PROX2: variants seen among roughly 807,000 people sequenced by gnomAD.
The protein encoded by PROX2 is prospero homeobox protein 2.
In PROX2, 46 loss-of-function variants were observed where a neutral mutation model predicts 48.9. The observed-to-expected ratio is 0.94, with a 90% CI of 0.74 to 1.20. PROX2 has a LOEUF of 1.20. Ranked by LOEUF, PROX2 falls within the 50% of genes most tolerant of loss-of-function variation. The probability of loss-of-function intolerance (pLI) is 0.00; values close to 1 mark genes in which losing one functional copy is unlikely to be tolerated. For missense variants in PROX2, 663 were observed against 719.4 expected, an observed-to-expected ratio of 0.92 and a Z score of 0.90; for synonymous variants, 260 against 276.6, an observed-to-expected ratio of 0.94 and a Z score of 0.60.
intron 1 of PROX2, chr14:74,873,903 G>T: frequency 2.2e-6 from 1 of 460,520 alleles, no homozygotes; most frequent in Non-Finnish European, 4.4e-6. Flanking sequence ...AGTGTGAGGA[G>T]CAGGGTTCTG....
Position 74,855,322 on chromosome 14 carries a change from C to T in PROX2, c.1609-20G>A, listed in dbSNP as rs2091735186. On this transcript the variant is annotated intron_variant, in intron 5 of 5. Coordinates refer to ENST00000556489, the MANE Select transcript of PROX2 (RefSeq NM_001243007.2). ...TGGAACCTGCATTTCCAAAGAGACC[C>T]ACAAGAAAGAAAAGACGTGAGGTTG... is the stretch of plus-strand genomic sequence containing the variant. 3 of 1,519,820 alleles carry T rather than the reference C, an allele frequency of 2.0e-6. No homozygotes were observed. Among genetic ancestry groups the T allele is most frequent in the South Asian group, 1.3e-5 (1 of 75,740 alleles). The allele number at this position is 1,519,820 out of a possible 1,614,324, so 94.1% of individuals were successfully genotyped here.
intron 5 of PROX2, chr14:74,856,100 A>G (rs562425278): frequency 6.6e-6 from 1 of 152,368 alleles, no homozygotes; most frequent in East Asian, 1.9e-4. Context: ...AGTCAAGAAG[A>G]GGGAAGTGTA....
At chr14:74,864,419 G>T (rs2091826504) in intron 2 of PROX2, among the ~76,000 whole-genome samples, 1 of 152,212 alleles carries the variant, frequency 6.6e-6, no homozygotes, top group South Asian at 2.1e-4. Context: ...AACAAGATCA[G>T]AGAAGAAGCT....
At chr14:74,864,580 G>A (rs542580809) in intron 2 of PROX2, among the ~76,000 whole-genome samples, 1 of 152,240 alleles carries the variant, frequency 6.6e-6, no homozygotes, top group Non-Finnish European at 1.5e-5. Context: ...GGTGGCTCAC[G>A]CCTGTAATCC....
At chr14:74,856,526 A>G (rs1488873111) in intron 5 of PROX2, 2 of 379,686 alleles carry the variant, frequency 5.3e-6, no homozygotes, top group Non-Finnish European at 9.5e-6. Context: ...TAACTTGATA[A>G]TGACAGGGTA....
At chr14:74,874,732 AT>A (rs1418636648) in intron 1 of PROX2, among the ~76,000 whole-genome samples, 1 of 152,238 alleles carries the variant, frequency 6.6e-6, no homozygotes, top group Non-Finnish European at 1.5e-5. Context: ...AGTTACTGAC[AT>A]TTTATTTTGC....
In PROX2 at chr14:74,855,095, T is replaced by C. The variant is rs775020807; in HGVS notation, c.*37A>G. ...GACAAACCCAGGAAACCCTAGCCAG[T>C]CACTCCTCACGTTGTGGGATCTTAA... On this transcript the variant is annotated 3_prime_UTR_variant, in exon 6 of 6. Coordinates refer to ENST00000556489, the MANE Select transcript of PROX2 (RefSeq NM_001243007.2). The C allele has an allele frequency of 7.1e-7, 1 of 1,401,858 alleles. No homozygotes were observed. The highest frequency in any genetic ancestry group is 1.9e-5 in the South Asian group (1 of 52,440). The allele number at this position is 1,401,858 out of a possible 1,614,324, so 86.8% of individuals were successfully genotyped here.
At position 74,868,336 on chromosome 14, in the gene PROX2, TATA is replaced by T. The variant is rs1566782528; in HGVS notation, c.-175+2764_-175+2766del. On this transcript the variant is annotated intron_variant, in intron 2 of 5. Coordinates refer to ENST00000556489, the MANE Select transcript of PROX2 (RefSeq NM_001243007.2). ...AATTATATATATATATATATATATA[TATA>T]TATATATATATATATATATATAAAC... 1.6e-3 allele frequency among the ~76,000 whole-genome samples: 208 copies of T among 130,498 alleles called. 3 individuals are homozygous for T. Among genetic ancestry groups the T allele is most frequent in the South Asian group, 0.011 (46 of 4,202 alleles). 85.6% of individuals were successfully genotyped at this position (130,498 alleles called of 152,430 possible).
intron 5 of PROX2, 131 bp downstream of exon 5, chr14:74,856,670 A>G: frequency 1.4e-6 from 1 of 707,898 alleles, no homozygotes; most frequent in South Asian, 1.9e-5. Context: ...TGTGGATGAT[A>G]CAGAGATTGG....
chr14:74,873,847 T>C, intron 1 of PROX2: 1 of 444,726 alleles, frequency 2.2e-6, no homozygotes, highest in Non-Finnish European at 4.4e-6. Context: ...AGTGAAGTTT[T>C]TGCAGATCTA....
At position 74,858,679 on chromosome 14, in the gene PROX2, G is replaced by A. The variant is rs2091766911; in HGVS notation, c.1306-165C>T. On this transcript the variant is annotated intron_variant, in intron 3 of 5. Transcript: ENST00000556489. ...TCTGGAAACTCTGGTCAAATAAGCT[G>A]GATGACATATGTGCACAGTTAAGTC... 1.7e-5 allele frequency: 10 copies of A among 577,158 alleles called. No individual in the cohort carries two copies. In the South Asian group the frequency reaches 2.0e-4, roughly 11 times the overall value. 35.8% of individuals were successfully genotyped at this position (577,158 alleles called of 1,614,324 possible).
chr14:74,866,441 C>A (rs1386457189), intron 2 of PROX2, among the ~76,000 whole-genome samples: 1 of 152,024 alleles, frequency 6.6e-6, no homozygotes, highest in Non-Finnish European at 1.5e-5. Context: ...GACACAGGGA[C>A]ATGAAGAGGC....
At chr14:74,874,013 C>A in intron 1 of PROX2, 1 of 516,718 alleles carries the variant, frequency 1.9e-6, no homozygotes, top group East Asian at 5.7e-5. Flanking sequence ...GTGATGTGTG[C>A]CTGTTATCTA....
chr14:74,858,842 T>TTG (rs199587376), intron 3 of PROX2: 7,324 of 162,008 alleles, frequency 0.045, 300 homozygotes, highest in Admixed American at 0.075. Context: ...GGTTGGTGTA[T>TTG]TGTGTGTGTG....
At position 74,876,006 on chromosome 14, in the gene PROX2, A is replaced by G. The variant is rs1018546146; in HGVS notation, c.-421T>C. Among the ~76,000 whole-genome samples the G allele has an allele frequency of 6.6e-6, 1 of 152,216 alleles. No homozygotes were observed. Among genetic ancestry groups the G allele is most frequent in the African/African-American group, 2.4e-5 (1 of 41,456 alleles). On this transcript the variant is annotated 5_prime_UTR_variant, in exon 1 of 6. It removes an upstream start codon present in the reference 5' UTR. Transcript: ENST00000556489. ...TCACCAGCCCTGGGCAGACAGAGCC[A>G]TGGTCAGGAAGTGCTTCTGGTTTCC...
At chr14:74,872,988 A>T (rs991883860) in intron 1 of PROX2, among the ~76,000 whole-genome samples, 3 of 149,246 alleles carry the variant, frequency 2.0e-5, no homozygotes, top group African/African-American at 4.9e-5. Context: ...ATCGTTAGCT[A>T]TTTTTTTTTT....
At chr14:74,875,206 G>A (rs553043178) in intron 1 of PROX2, among the ~76,000 whole-genome samples, 109 of 152,248 alleles carry the variant, frequency 7.2e-4, no homozygotes, top group African/African-American at 2.6e-3. Flanking sequence ...AAGAATAAAA[G>A]GGGGAAATGC....
At chr14:74,868,313 T>TTATATATATATATATA (rs4026383) in intron 2 of PROX2, among the ~76,000 whole-genome samples, 3 of 53,780 alleles carry the variant, frequency 5.6e-5, no homozygotes, top group Non-Finnish European at 7.5e-5. Flanking sequence ...TTTCTCGTAA[T>TTATATATATATATATA]TATATATATA....
chr14:74,855,143 A>G lies in PROX2; in HGVS notation c.1768T>C (p.Tyr590His), dbSNP rs1210610991. Residue 590 changes from tyrosine (Y) to histidine (H), a missense_variant, in exon 6 of 6, where the codon TAT becomes CAT. Physicochemically the swap from Tyr to His is moderately conservative, Grantham distance 83. Transcript: ENST00000556489. ...DIPEIFKSSS[Y>H]PQ ...TAACCCCGAAACAGCTACTGGGGATAGCTGGAAGATTTGAATATCTCTGGG... is the reference window on the plus strand; with the variant it reads ...TAACCCCGAAACAGCTACTGGGGATGGCTGGAAGATTTGAATATCTCTGGG... 1.3e-6 allele frequency: 2 copies of G among 1,561,376 alleles called. No homozygotes were observed. Among genetic ancestry groups the G allele is most frequent in the African/African-American group, 1.3e-5 (1 of 74,170 alleles).
Sources: allele counts gnomAD v4.1 joint callset (sites outside exome capture counted in the v4.1 genomes callset), GRCh38; gene constraint gnomAD v4.1.1; transcripts MANE v1.5; gene names NCBI Gene and HGNC (gene_info 2026-07-23, HGNC 2026-07-21).